Variants in NTNG1 observed in about 807,000 individuals in gnomAD.
The protein encoded by NTNG1 is netrin-G1.
In NTNG1, 16 loss-of-function variants were observed where a neutral mutation model predicts 54.0. The ratio of observed to expected loss-of-function variants is 0.30; its 90% confidence interval spans 0.20 to 0.45. NTNG1 has a LOEUF of 0.45. Among genes scored for constraint, NTNG1 ranks in the 20% least tolerant of loss-of-function variants. NTNG1 has a pLI of 1.00. For synonymous variants in NTNG1, 255 were observed against 263.1 expected (o/e 0.97, Z 0.30); for missense variants, 530 against 678.7 (o/e 0.78, Z 2.43).
chr1:107,373,881 T>C (rs1010724516), intron 3 of NTNG1, among the ~76,000 whole-genome samples: 1 of 152,058 alleles, frequency 6.6e-6, no homozygotes. Flanking sequence ...AAATTATTTT[T>C]TGTAAAGACA....
intron 2 of NTNG1, among the ~76,000 whole-genome samples, chr1:107,246,022 G>A (rs951169343): frequency 2.6e-5 from 4 of 151,978 alleles, no homozygotes; most frequent in Non-Finnish European, 4.4e-5. Flanking sequence ...AACATTTGTT[G>A]CTATAGGAGA....
chr1:107,288,032 G>A (rs1369353700), intron 2 of NTNG1, among the ~76,000 whole-genome samples: 4 of 152,062 alleles, frequency 2.6e-5, no homozygotes, highest in Non-Finnish European at 5.9e-5. Flanking sequence ...CAGCATGAAG[G>A]ACAGAGTGAG....
intron 2 of NTNG1, among the ~76,000 whole-genome samples, chr1:107,304,004 C>T (rs1340934890): frequency 6.7e-6 from 1 of 149,914 alleles, no homozygotes; most frequent in African/African-American, 2.5e-5. Flanking sequence ...GTTTTGAACC[C>T]CTGCCTCTTT....
chr1:107,309,024 C>G (rs1217728600), intron 2 of NTNG1, among the ~76,000 whole-genome samples: 1 of 45,310 alleles, frequency 2.2e-5, no homozygotes, highest in Non-Finnish European at 9.9e-5. Flanking sequence ...CCTTTGTTCT[C>G]TACTTCCAGT....
intron 5 of NTNG1, among the ~76,000 whole-genome samples, chr1:107,418,119 A>G (rs1674338099): frequency 6.6e-6 from 1 of 152,070 alleles, no homozygotes; most frequent in African/African-American, 2.4e-5. Context: ...TTCAGAGATA[A>G]TGGCTCACAC....
intron 3 of NTNG1, among the ~76,000 whole-genome samples, chr1:107,346,994 G>A (rs1358079743): frequency 6.6e-6 from 1 of 151,566 alleles, no homozygotes; most frequent in Non-Finnish European, 1.5e-5. Context: ...AGGGGTGGAA[G>A]GAAGAGGAAG....
intron 6 of NTNG1, among the ~76,000 whole-genome samples, chr1:107,433,387 A>G (rs1675395753): frequency 6.6e-6 from 1 of 152,072 alleles, no homozygotes; most frequent in African/African-American, 2.4e-5. Flanking sequence ...CTACTGAAAG[A>G]GATAAAAAAT....
chr1:107,325,690 A>G (rs766355281), intron 3 of NTNG1, among the ~76,000 whole-genome samples: 1 of 152,074 alleles, frequency 6.6e-6, no homozygotes, highest in Non-Finnish European at 1.5e-5. Context: ...ACCACCACAT[A>G]GGGATTTTCA....
At chr1:107,183,097 C>T (rs1557788003) in intron 2 of NTNG1, among the ~76,000 whole-genome samples, 1 of 152,188 alleles carries the variant, frequency 6.6e-6, no homozygotes, top group Non-Finnish European at 1.5e-5. Context: ...TCTACTTCTT[C>T]ATGTCTCCCA....
intron 2 of NTNG1, among the ~76,000 whole-genome samples, chr1:107,228,362 A>T (rs978906610): frequency 2.0e-5 from 3 of 152,140 alleles, no homozygotes; most frequent in Non-Finnish European, 4.4e-5. Flanking sequence ...GTGAACTATG[A>T]AGTGTATATA....
chr1:107,450,225 T>A (rs965196504), intron 7 of NTNG1, among the ~76,000 whole-genome samples: 1 of 152,136 alleles, frequency 6.6e-6, no homozygotes, highest in Non-Finnish European at 1.5e-5. Context: ...TAAGCTAATG[T>A]GCCTAAATTC....
At chr1:107,336,787 C>T (rs895895399) in intron 3 of NTNG1, among the ~76,000 whole-genome samples, 3 of 151,772 alleles carry the variant, frequency 2.0e-5, no homozygotes, top group East Asian at 1.9e-4. Flanking sequence ...ACAAAATAAT[C>T]CTAATTAAAA....
At chr1:107,431,013 G>A in intron 6 of NTNG1, 96 bp downstream of exon 6, 1 of 1,120,726 alleles carries the variant, frequency 8.9e-7, no homozygotes, top group Non-Finnish European at 1.3e-6. Flanking sequence ...CCGCGGTTGA[G>A]CCAGAATGAA....
chr1:107,386,139 A>ATATATACACATATATATACT (rs1557954543), intron 3 of NTNG1, among the ~76,000 whole-genome samples: 4 of 101,946 alleles, frequency 3.9e-5, no homozygotes, highest in African/African-American at 9.0e-5. Context: ...ATGTATATAT[A>ATATATACACATATATATACT]TATATGTGTG....
At chr1:107,359,888 C>T (rs1670160912) in intron 3 of NTNG1, among the ~76,000 whole-genome samples, 1 of 152,128 alleles carries the variant, frequency 6.6e-6, no homozygotes, top group African/African-American at 2.4e-5. Context: ...AAAACTATCA[C>T]GAGATAGTCA....
chr1:107,186,014 CG>C (rs1657434654), intron 2 of NTNG1, among the ~76,000 whole-genome samples: 1 of 152,096 alleles, frequency 6.6e-6, no homozygotes, highest in Admixed American at 6.6e-5. Flanking sequence ...TTGCATCCCT[CG>C]CCCTCACGCC....
chr1:107,267,334 T>C (rs1337389577), intron 2 of NTNG1, among the ~76,000 whole-genome samples: 1 of 152,180 alleles, frequency 6.6e-6, no homozygotes, highest in Non-Finnish European at 1.5e-5. Flanking sequence ...GGAAGAATAC[T>C]GGGGAGCTAA....
intron 2 of NTNG1, among the ~76,000 whole-genome samples, chr1:107,275,249 T>C (rs1296110227): frequency 6.6e-6 from 1 of 152,038 alleles, no homozygotes; most frequent in African/African-American, 2.4e-5. Context: ...TGGTGGCAGA[T>C]GCCTATAACC....
chr1:107,337,486 T>C (rs1398545972), intron 3 of NTNG1, among the ~76,000 whole-genome samples: 1 of 151,982 alleles, frequency 6.6e-6, no homozygotes, highest in Non-Finnish European at 1.5e-5. Context: ...TCATTTGTAA[T>C]GAGCACAAAG....
Sources: allele counts gnomAD v4.1 joint callset (sites outside exome capture counted in the v4.1 genomes callset), GRCh38; gene constraint gnomAD v4.1.1; transcripts MANE v1.5; gene names NCBI Gene and HGNC (gene_info 2026-07-23, HGNC 2026-07-21).